GRIN2B: variants seen among roughly 807,000 people sequenced by gnomAD.
GRIN2B encodes the protein glutamate ionotropic receptor NMDA type subunit 2B, also known as glutamate receptor ionotropic, NMDA 2B.
In GRIN2B, 5 loss-of-function variants were observed where a neutral mutation model predicts 114.5. The ratio of observed to expected loss-of-function variants is 0.04; its 90% CI spans 0.02 to 0.09. GRIN2B has a LOEUF of 0.09. Among genes scored for constraint, GRIN2B ranks in the 10% least tolerant of loss-of-function variants. The pLI, the probability that GRIN2B is intolerant of heterozygous loss-of-function variation, is 1.00. For synonymous variants in GRIN2B, 787 were observed against 745.1 expected, an observed-to-expected ratio of 1.06 and a Z score of -0.92; for missense variants, 1,108 against 1,943.5, an observed-to-expected ratio of 0.57 and a Z score of 8.08.
At chr12:13,928,971 A>G (rs1254418801) in intron 2 of GRIN2B, among the ~76,000 whole-genome samples, 165 of 152,350 alleles carry the variant, frequency 1.1e-3, no homozygotes, top group Admixed American at 1.7e-3. Flanking sequence ...GCATTAACTA[A>G]TTTAGTCCCC....
At chr12:13,683,818 TA>T (rs1263281044) in intron 4 of GRIN2B, 11 of 152,164 alleles carry the variant, frequency 7.2e-5, no homozygotes, top group Non-Finnish European at 8.8e-5. Context: ...TATCACAGAG[TA>T]AGCATTATGT....
intron 10 of GRIN2B, among the ~76,000 whole-genome samples, chr12:13,577,904 G>A (rs61912861): frequency 0.11 from 17,114 of 152,184 alleles, 1,325 homozygotes; most frequent in African/African-American, 0.21. Context: ...TTCATTTCAT[G>A]TATTTATTGA....
intron 4 of GRIN2B, among the ~76,000 whole-genome samples, chr12:13,703,208 C>T (rs1251598854): frequency 6.6e-6 from 1 of 152,154 alleles, no homozygotes; most frequent in East Asian, 1.9e-4. Flanking sequence ...AGTGATTTCA[C>T]TCCCATATGG....
At chr12:13,604,455 G>A (rs941851455) in intron 10 of GRIN2B, among the ~76,000 whole-genome samples, 10 of 151,878 alleles carry the variant, frequency 6.6e-5, no homozygotes, top group South Asian at 2.1e-4. Context: ...TTCCATCATC[G>A]CTCCAAGATA....
At chr12:13,856,003 T>A (rs1256461234) in intron 3 of GRIN2B, among the ~76,000 whole-genome samples, 1 of 152,148 alleles carries the variant, frequency 6.6e-6, no homozygotes, top group Non-Finnish European at 1.5e-5. Context: ...GAGAGACAGA[T>A]GTGTTAACAA....
At chr12:13,874,024 A>G (rs2136756746) in intron 2 of GRIN2B, among the ~76,000 whole-genome samples, 1 of 152,288 alleles carries the variant, frequency 6.6e-6, no homozygotes, top group South Asian at 2.1e-4. Flanking sequence ...ATGAACCAAC[A>G]AGTCCTCTTA....
At chr12:13,714,326 C>T (rs558421898) in intron 4 of GRIN2B, among the ~76,000 whole-genome samples, 6 of 151,880 alleles carry the variant, frequency 4.0e-5, no homozygotes, top group Admixed American at 6.6e-5. Context: ...TCTGATACAG[C>T]GGGGAAAAAA....
chr12:13,703,600 C>A (rs986942067), intron 4 of GRIN2B, among the ~76,000 whole-genome samples: 3 of 152,108 alleles, frequency 2.0e-5, no homozygotes, highest in African/African-American at 7.2e-5. Context: ...CATACACACA[C>A]AAATATGCAA....
At chr12:13,858,535 GT>G (rs149439201) in intron 3 of GRIN2B, among the ~76,000 whole-genome samples, 1 of 152,070 alleles carries the variant, frequency 6.6e-6, no homozygotes, top group Non-Finnish European at 1.5e-5. Flanking sequence ...AATTCAGGGA[GT>G]TTTTTTCAGC....
In GRIN2B at chr12:13,656,359, G is replaced by A. The variant is rs989562480; in HGVS notation, c.1125+19386C>T. On this transcript the variant is annotated intron_variant, in intron 5 of 13. Transcript: ENST00000609686. ...ACAAACAAAAAGAGACTGTTTTGCA[G>A]TGGGGTAGGGAACACTGGTGGTGTT... Among the ~76,000 whole-genome samples, 3 of 152,200 alleles carry A rather than the reference G, an allele frequency of 2.0e-5. No individual in the cohort carries two copies. In the South Asian group the frequency reaches 6.2e-4, roughly 32 times the overall value.
chr12:13,698,756 C>T lies in GRIN2B; in HGVS notation c.1011-22897G>A, dbSNP rs896688786. ...GCAGTGCAGTGGCACGATCCTGGCTCACTGCAACCTCTGCCTCCTGGGTTC... is the reference window on the plus strand; with the variant it reads ...GCAGTGCAGTGGCACGATCCTGGCTTACTGCAACCTCTGCCTCCTGGGTTC... On this transcript the variant is annotated intron_variant, in intron 4 of 13. Coordinates refer to ENST00000609686, the MANE Select transcript of GRIN2B (RefSeq NM_000834.5). 2.6e-5 allele frequency among the ~76,000 whole-genome samples: 4 copies of T among 152,278 alleles called. No homozygotes were observed. The East Asian group carries it at 7.7e-4, about 29-fold the overall frequency.
At position 13,549,192 on chromosome 12, in the gene GRIN2B, G is replaced by A. The variant is rs139898876; in HGVS notation, c.*13591C>T. The A allele has an allele frequency of 7.2e-5, 11 of 152,214 alleles. No individual in the cohort carries two copies. The highest frequency in any genetic ancestry group is 2.4e-4 in the African/African-American group (10 of 41,532). 9.4% of individuals were successfully genotyped at this position (152,214 alleles called of 1,614,324 possible). A position where few individuals can be genotyped will look rare whatever the true frequency, so the allele number is the denominator to read the frequency against. The stretch of plus-strand genomic sequence containing the variant: ...GTGAACAGGTGGGTTGTAAGAGAAG[G>A]TTGTTGCAAGATTCTCTGATCTGCG... On this transcript the variant is annotated 3_prime_UTR_variant, in exon 14 of 14. Transcript: ENST00000609686.
intron 3 of GRIN2B, among the ~76,000 whole-genome samples, chr12:13,771,382 T>C (rs1217116473): frequency 6.6e-6 from 1 of 152,216 alleles, no homozygotes; most frequent in Non-Finnish European, 1.5e-5. Flanking sequence ...ATTTAGACTT[T>C]CGTTTTGATA....
At chr12:13,964,763 A>G (rs1867759818) in intron 2 of GRIN2B, among the ~76,000 whole-genome samples, 1 of 152,194 alleles carries the variant, frequency 6.6e-6, no homozygotes, top group Non-Finnish European at 1.5e-5. Context: ...GCAAAGATGA[A>G]GCGGGTTTGG....
rs1349430251 is a variant in GRIN2B, at chr12:13,549,830, CT to C, written c.*12952del. The C allele has an allele frequency of 4.6e-5, 7 of 152,162 alleles. No individual in the cohort carries two copies. Among genetic ancestry groups the C allele is most frequent in the African/African-American group, 1.7e-4 (7 of 41,440 alleles). 9.4% of individuals were successfully genotyped at this position (152,162 alleles called of 1,614,324 possible). A position where few individuals can be genotyped will look rare whatever the true frequency, so the allele number is the denominator to read the frequency against. ...TTCAAATTTTTGCTTTCTTCTTGCT[CT>C]TTTTGACTTGTCTCTGTAGATGTAT... On this transcript the variant is annotated 3_prime_UTR_variant, in exon 14 of 14. Coordinates refer to ENST00000609686, the MANE Select transcript of GRIN2B (RefSeq NM_000834.5).
chr12:13,828,296 T>C (rs182658206), intron 3 of GRIN2B, among the ~76,000 whole-genome samples: 5 of 152,364 alleles, frequency 3.3e-5, no homozygotes, highest in Non-Finnish European at 5.9e-5. Context: ...CAATGAGTTC[T>C]TTCTACTCTA....
At chr12:13,643,865 G>C (rs1230251421) in intron 5 of GRIN2B, among the ~76,000 whole-genome samples, 1 of 152,098 alleles carries the variant, frequency 6.6e-6, no homozygotes, top group African/African-American at 2.4e-5. Flanking sequence ...TCATGAGTTT[G>C]AGCAATGCAG....
intron 3 of GRIN2B, among the ~76,000 whole-genome samples, chr12:13,859,207 T>C (rs186438648): frequency 2.0e-5 from 3 of 152,336 alleles, no homozygotes; most frequent in African/African-American, 4.8e-5. Context: ...CTCAAGCCCA[T>C]TGACTCCAAA....
chr12:13,616,305 G>A (rs903709283), intron 6 of GRIN2B, 150 bp downstream of exon 6: 25 of 694,884 alleles, frequency 3.6e-5, no homozygotes, highest in East Asian at 1.6e-4. Flanking sequence ...CAGACCAGAG[G>A]GCTGCCAGTA....
Sources: gnomAD v4.1 joint callset for allele counts (sites outside exome capture counted in the v4.1 genomes callset) on GRCh38, gnomAD v4.1.1 for gene constraint, MANE v1.5 for transcripts, NCBI Gene and HGNC (gene_info 2026-07-23, HGNC 2026-07-21) for gene names.